Variants in JAZF1 observed in about 807,000 individuals in gnomAD.
The protein encoded by JAZF1 is juxtaposed with another zinc finger protein 1.
A neutral mutation model predicts 26.4 loss-of-function variants in JAZF1; 8 were observed. That is an observed-to-expected ratio of 0.30 (90% CI 0.18 to 0.55). The LOEUF (loss-of-function observed/expected upper bound fraction) is 0.55, where lower values mean the gene tolerates loss of function less well. Ranked by LOEUF, JAZF1 falls within the 20% of genes least tolerant of loss-of-function variation. The probability of loss-of-function intolerance (pLI) is 0.94; values close to 1 mark genes in which losing one functional copy is unlikely to be tolerated. For missense variants in JAZF1, 199 were observed against 322.0 expected, an observed-to-expected ratio of 0.62 and a Z score of 2.92; for synonymous variants, 126 against 122.3, an observed-to-expected ratio of 1.03 and a Z score of -0.20.
At chr7:27,984,659 A>G (rs1785660828) in intron 2 of JAZF1, among the ~76,000 whole-genome samples, 1 of 152,250 alleles carries the variant, frequency 6.6e-6, no homozygotes, top group African/African-American at 2.4e-5. Flanking sequence ...CATTCTTCTC[A>G]GCATCACATT....
At chr7:28,169,928 G>T (rs765964275) in intron 1 of JAZF1, among the ~76,000 whole-genome samples, 11 of 152,182 alleles carry the variant, frequency 7.2e-5, no homozygotes, top group Non-Finnish European at 1.5e-5. Context: ...AAGCCCAGAT[G>T]TGCTCCTGCA....
intron 1 of JAZF1, among the ~76,000 whole-genome samples, chr7:28,118,941 T>G (rs1164235126): frequency 6.6e-6 from 1 of 152,098 alleles, no homozygotes; most frequent in Non-Finnish European, 1.5e-5. Flanking sequence ...GACAACAAAA[T>G]ACCCCTACAT....
At chr7:27,994,393 A>C (rs1785969085) in intron 1 of JAZF1, among the ~76,000 whole-genome samples, 3 of 151,772 alleles carry the variant, frequency 2.0e-5, no homozygotes, top group South Asian at 4.1e-4. Context: ...CAAATTGTTA[A>C]GTGGGAAACA....
intron 1 of JAZF1, among the ~76,000 whole-genome samples, chr7:28,004,654 T>G (rs1267925585): frequency 6.9e-6 from 1 of 145,772 alleles, no homozygotes; most frequent in Non-Finnish European, 1.5e-5. Flanking sequence ...GTGAAATAAT[T>G]TTTTTTTTTC....
intron 3 of JAZF1, among the ~76,000 whole-genome samples, chr7:27,864,467 T>TCA (rs879877228): frequency 2.0e-5 from 3 of 152,282 alleles, no homozygotes; most frequent in Admixed American, 2.0e-4. Flanking sequence ...AGCCCTCTGC[T>TCA]CACCTACTCA....
intron 3 of JAZF1, among the ~76,000 whole-genome samples, chr7:27,849,772 C>CTCACACACACACACACACACACACACAT (rs1783107037): frequency 6.8e-6 from 1 of 147,014 alleles, no homozygotes; most frequent in Admixed American, 6.6e-5. Flanking sequence ...CACACACACA[C>CTCACACACACACACACACACACACACAT]ACCCCTACAC....
At chr7:27,879,532 C>G (rs1328539228) in intron 3 of JAZF1, among the ~76,000 whole-genome samples, 1 of 152,092 alleles carries the variant, frequency 6.6e-6, no homozygotes, top group East Asian at 1.9e-4. Flanking sequence ...GAGTTAGTAT[C>G]ATTTAGTATC....
At chr7:28,008,773 G>T (rs1444723674) in intron 1 of JAZF1, among the ~76,000 whole-genome samples, 2 of 152,128 alleles carry the variant, frequency 1.3e-5, no homozygotes, top group African/African-American at 2.4e-5. Context: ...TTCTTCAAAA[G>T]TTTTTCCAAA....
chr7:27,890,492 A>G (rs1055108394), intron 3 of JAZF1, among the ~76,000 whole-genome samples: 1 of 152,212 alleles, frequency 6.6e-6, no homozygotes, highest in African/African-American at 2.4e-5. Context: ...CACAGTGTGG[A>G]TGGTATAATA....
chr7:27,991,286 T>G (rs896017195), intron 2 of JAZF1, among the ~76,000 whole-genome samples: 1 of 152,240 alleles, frequency 6.6e-6, no homozygotes, highest in East Asian at 1.9e-4. Context: ...TTAACCTAAG[T>G]TGATTTCAGT....
At chr7:28,139,289 G>GTGCCAT (rs1782929078) in intron 1 of JAZF1, among the ~76,000 whole-genome samples, 1 of 152,208 alleles carries the variant, frequency 6.6e-6, no homozygotes, top group African/African-American at 2.4e-5. Context: ...AGAGGCCCAG[G>GTGCCAT]GAACAGTTAG....
intron 1 of JAZF1, among the ~76,000 whole-genome samples, chr7:28,083,983 G>A (rs943388875): frequency 6.6e-6 from 1 of 152,082 alleles, no homozygotes; most frequent in Non-Finnish European, 1.5e-5. Context: ...AGCAAATAGT[G>A]AAATAGCTTG....
At position 28,180,639 on chromosome 7, in the gene JAZF1, A is replaced by T; in HGVS notation, c.-62T>A. 3.3e-5 allele frequency: 17 copies of T among 520,396 alleles called. No homozygotes were observed. Among genetic ancestry groups the T allele is most frequent in the East Asian group, 6.5e-5 (1 of 15,374 alleles). The allele number at this position is 520,396 out of a possible 1,614,324, so 32.2% of individuals were successfully genotyped here. A position where few individuals can be genotyped will look rare whatever the true frequency, so the allele number is the denominator to read the frequency against. Reference sequence around the variant, plus strand: ...CGAGCGCCGGGCGGGCGAGGGAGGGAGGGAGGCCGGGTGGGGTGAGGAGAG... The same window carrying T: ...CGAGCGCCGGGCGGGCGAGGGAGGGTGGGAGGCCGGGTGGGGTGAGGAGAG... On this transcript the variant is annotated 5_prime_UTR_variant, in exon 1 of 5. Coordinates refer to ENST00000283928, the MANE Select transcript of JAZF1 (RefSeq NM_175061.4).
chr7:28,065,047 T>G (rs958073105), intron 1 of JAZF1, among the ~76,000 whole-genome samples: 3 of 152,216 alleles, frequency 2.0e-5, no homozygotes, highest in African/African-American at 7.2e-5. Context: ...GGGAAATGAC[T>G]GGATCTTCTT....
chr7:28,035,067 A>G (rs1783262111), intron 1 of JAZF1, among the ~76,000 whole-genome samples: 1 of 152,080 alleles, frequency 6.6e-6, no homozygotes, highest in Non-Finnish European at 1.5e-5. Flanking sequence ...CTATAATCCC[A>G]GCACTTTGGG....
rs112945649 is a variant in JAZF1 at position 27,924,556 on chromosome 7, A to G, written c.189-29140T>C. 1.6e-3 allele frequency among the ~76,000 whole-genome samples: 246 copies of G among 152,370 alleles called. 1 individual carries two copies. Among genetic ancestry groups the G allele is most frequent in the African/African-American group, 5.7e-3 (235 of 41,588 alleles). On this transcript the variant is annotated intron_variant, in intron 2 of 4. Transcript: ENST00000283928. ...AGTTAAGTGAAAGAGAAAATGAATT[A>G]GTACCCATGAAGTATATTTTCATTT...
At chr7:27,992,108 A>C in intron 1 of JAZF1, 127 bp from the exon 2 acceptor site, 1 of 723,286 alleles carries the variant, frequency 1.4e-6, no homozygotes, top group Non-Finnish European at 2.6e-6. Context: ...TTTAAAGAAA[A>C]CTGAGTCGGC....
At chr7:28,056,040 A>G (rs909857823) in intron 1 of JAZF1, among the ~76,000 whole-genome samples, 1 of 152,094 alleles carries the variant, frequency 6.6e-6, no homozygotes, top group African/African-American at 2.4e-5. Flanking sequence ...TCTGCTTTCC[A>G]TTCTTTGTGA....
chr7:27,833,435 A>G (rs1028385910), intron 4 of JAZF1, among the ~76,000 whole-genome samples: 1 of 152,184 alleles, frequency 6.6e-6, no homozygotes, highest in Non-Finnish European at 1.5e-5. Context: ...TGGAAACTCA[A>G]TTTACAGCTT....
Sources: gnomAD v4.1 joint callset for allele counts (sites outside exome capture counted in the v4.1 genomes callset) on GRCh38, gnomAD v4.1.1 for gene constraint, MANE v1.5 for transcripts, NCBI Gene and HGNC (gene_info 2026-07-23, HGNC 2026-07-21) for gene names.